The following PTCD3 variants were observed in gnomAD, a reference collection of about 807,000 sequenced individuals.
The protein encoded by PTCD3 is small ribosomal subunit protein mS39.
A neutral mutation model predicts 101.9 loss-of-function variants in PTCD3; 89 were observed. The observed-to-expected ratio is 0.87, with a 90% CI of 0.74 to 1.04. The LOEUF (loss-of-function observed/expected upper bound fraction) is 1.04. Among genes scored for constraint, PTCD3 ranks in the 50% least tolerant of loss-of-function variants. PTCD3 has a pLI of 0.00. For synonymous variants in PTCD3, 296 were observed against 278.5 expected (o/e 1.06, Z -0.63); for missense variants, 870 against 828.2 (o/e 1.05, Z -0.62).
intron 14 of PTCD3, among the ~76,000 whole-genome samples, chr2:86,128,834 G>A (rs775607751): frequency 1.1e-4 from 17 of 152,252 alleles, no homozygotes; most frequent in Non-Finnish European, 2.5e-4. Context: ...ATAGCAGCAG[G>A]GTGTGGTAGT....
At chr2:86,106,469 G>A in intron 1 of PTCD3, 118 bp downstream of exon 1, 2 of 1,029,482 alleles carry the variant, frequency 1.9e-6, no homozygotes, top group Non-Finnish European at 2.9e-6. Context: ...GCCCTTAACG[G>A]TCGCGTGCCC....
intron 9 of PTCD3, among the ~76,000 whole-genome samples, chr2:86,124,566 G>A (rs1674348848): frequency 6.6e-6 from 1 of 152,128 alleles, no homozygotes; most frequent in East Asian, 1.9e-4. Flanking sequence ...TGGAGGTTAT[G>A]GAATGAGAGA....
At chr2:86,113,798 C>T (rs137929519) in intron 4 of PTCD3, among the ~76,000 whole-genome samples, 156 of 151,980 alleles carry the variant, frequency 1.0e-3, no homozygotes, top group African/African-American at 3.6e-3. Context: ...GAGACCCTGT[C>T]CCCCCCGCCA....
In PTCD3 at chr2:86,111,137, A is replaced by G. The variant is rs1674074752; in HGVS notation, c.219A>G (p.Ala73=). Residue 73 remains alanine, a synonymous_variant, in exon 4 of 24, where the codon GCA becomes GCG. Transcript: ENST00000254630. ...GGGATAAAGTAGCCGTTCTTCAGGC[A>G]CTTGCATCCACAGTAAACAGGGTAA... The part of the protein sequence containing the change: ...KTWDKVAVLQ[A]LASTVNRDTT... 1 of 1,613,748 alleles carries G rather than the reference A, an allele frequency of 6.2e-7. No homozygotes were observed. The highest frequency in any genetic ancestry group is 8.5e-7 in the Non-Finnish European group (1 of 1,179,692).
chr2:86,136,700 C>T, intron 22 of PTCD3, 138 bp downstream of exon 22: 2 of 1,008,196 alleles, frequency 2.0e-6, no homozygotes, highest in Non-Finnish European at 3.0e-6. Flanking sequence ...CTATCCAGGG[C>T]ATCCTGAGGC....
chr2:86,121,705 T>G (rs1030824990), intron 8 of PTCD3, 111 bp downstream of exon 8: 1 of 618,850 alleles, frequency 1.6e-6, no homozygotes, highest in African/African-American at 1.9e-5. Flanking sequence ...TAGAGATTTG[T>G]ACTGAGATGT....
intron 4 of PTCD3, among the ~76,000 whole-genome samples, chr2:86,111,531 T>C (rs1189221474): frequency 6.6e-6 from 1 of 150,528 alleles, no homozygotes; most frequent in African/African-American, 2.4e-5. Flanking sequence ...GAGCTTGCAG[T>C]GAGGAGAGAT....
chr2:86,131,287 C>T (rs1674490685), intron 16 of PTCD3, among the ~76,000 whole-genome samples, 181 bp downstream of exon 16: 1 of 151,980 alleles, frequency 6.6e-6, no homozygotes, highest in African/African-American at 2.4e-5. Flanking sequence ...CTGTGTCCCC[C>T]ATGCTGGAGT....
intron 7 of PTCD3, among the ~76,000 whole-genome samples, chr2:86,120,700 G>C (rs893322226): frequency 1.3e-5 from 2 of 152,176 alleles, no homozygotes; most frequent in African/African-American, 4.8e-5. Flanking sequence ...TTCAAGACCA[G>C]CCTGGGCAAC....
chr2:86,106,471 C>A, intron 1 of PTCD3, 120 bp downstream of exon 1: 2 of 1,002,026 alleles, frequency 2.0e-6, no homozygotes, highest in Non-Finnish European at 1.5e-6. Context: ...CCTTAACGGT[C>A]GCGTGCCCTT....
In PTCD3 at chr2:86,106,261, C is replaced by T. The variant is rs537889886; in HGVS notation, c.14C>T (p.Ser5Phe). The change falls in exon 1 of 24, where the codon TCT (serine) becomes TTT (phenylalanine). Residue 5 changes from serine (S) to phenylalanine (F), a missense_variant. Coordinates refer to ENST00000254630, the MANE Select transcript of PTCD3 (RefSeq NM_017952.6). Reference sequence around the variant, plus strand: ...GAGAAATCAAAGATGGCGGTTGTATCTGCTGTTCGCTGGCTGGGCCTCCGC... The same window carrying T: ...GAGAAATCAAAGATGGCGGTTGTATTTGCTGTTCGCTGGCTGGGCCTCCGC... MAVV[S>F]AVRWLGLRSR... 1.9e-6 allele frequency: 3 copies of T among 1,614,094 alleles called. No individual in the cohort carries two copies. Among genetic ancestry groups the T allele is most frequent in the Admixed American group, 1.7e-5 (1 of 60,030 alleles).
chr2:86,132,790 C>T, intron 17 of PTCD3: 2 of 308,106 alleles, frequency 6.5e-6, no homozygotes, highest in South Asian at 1.2e-4. Flanking sequence ...TAGAGATACT[C>T]CCTAAATGGG....
chr2:86,132,495 C>A, intron 17 of PTCD3, 71 bp downstream of exon 17: 1 of 1,019,114 alleles, frequency 9.8e-7, no homozygotes, highest in Non-Finnish European at 1.5e-6. Flanking sequence ...GTTGATGTCC[C>A]TTCATACCTC....
chr2:86,130,591 T>C, intron 14 of PTCD3, 57 bp from the exon 15 acceptor site: 1 of 1,572,968 alleles, frequency 6.4e-7, no homozygotes, highest in Non-Finnish European at 8.6e-7. Context: ...TTAGGTACAG[T>C]GAGTTTGGTG....
In PTCD3 at chr2:86,108,656, T is replaced by C. The variant is rs535263706; in HGVS notation, c.194+120T>C. On this transcript the variant is annotated intron_variant, in intron 3 of 23. Coordinates refer to ENST00000254630, the MANE Select transcript of PTCD3 (RefSeq NM_017952.6). The stretch of plus-strand genomic sequence containing the variant: ...AATAGGAGAGCATTCTTGAAGAGAG[T>C]AGCTGAGCGGGGAGAAGCTAGGAGT... The C allele has an allele frequency of 4.0e-4, 402 of 1,004,392 alleles. 1 individual carries two copies. Among genetic ancestry groups the C allele is most frequent in the Middle Eastern group, 1.0e-3 (3 of 2,860 alleles). The allele number at this position is 1,004,392 out of a possible 1,614,324, so 62.2% of individuals were successfully genotyped here.
intron 3 of PTCD3, chr2:86,108,871 G>T: frequency 8.5e-6 from 2 of 233,948 alleles, no homozygotes; most frequent in South Asian, 1.6e-4. Flanking sequence ...TGATTCAAGA[G>T]CAGACAGTTA....
chr2:86,114,299 T>G (rs1674142597), intron 4 of PTCD3, among the ~76,000 whole-genome samples: 1 of 152,094 alleles, frequency 6.6e-6, no homozygotes, highest in Non-Finnish European at 1.5e-5. Flanking sequence ...CTTTTTTTTT[T>G]TTTAAAGAGA....
chr2:86,122,487 C>T (rs1319121815), intron 8 of PTCD3, among the ~76,000 whole-genome samples: 2 of 151,200 alleles, frequency 1.3e-5, no homozygotes, highest in Non-Finnish European at 2.9e-5. Flanking sequence ...TCATAGCTTA[C>T]TGCAGCCTTT....
rs1490065713 is a variant in PTCD3 at position 86,119,017 on chromosome 2, G to C, written c.511G>C (p.Asp171His). 2 of 1,613,964 alleles carry C rather than the reference G, an allele frequency of 1.2e-6. No individual in the cohort carries two copies. Among genetic ancestry groups the C allele is most frequent in the Admixed American group, 1.7e-5 (1 of 59,932 alleles). Reference protein sequence around the residue: ...IELRKVKASVDMFDQLLQAGT... With the variant: ...IELRKVKASVHMFDQLLQAGT... Reference sequence around the variant, plus strand: ...GCTCAGAAAAGTCAAAGCCTCTGTGGACATGTTTGATCAGCTTTTGCAAGC... The same window carrying C: ...GCTCAGAAAAGTCAAAGCCTCTGTGCACATGTTTGATCAGCTTTTGCAAGC... Residue 171 changes from aspartate to histidine, a missense_variant, in exon 7 of 24, where the codon GAC becomes CAC. Asp to His is a moderately conservative substitution (Grantham distance 81, BLOSUM62 -1). Transcript: ENST00000254630.
Sources: allele counts gnomAD v4.1 joint callset (sites outside exome capture counted in the v4.1 genomes callset), GRCh38; gene constraint gnomAD v4.1.1; transcripts MANE v1.5; gene names NCBI Gene and HGNC (gene_info 2026-07-23, HGNC 2026-07-21).